Variants in BNC2 observed in about 807,000 individuals in gnomAD.
BNC2 encodes the protein zinc finger protein basonuclin-2.
BNC2 carries 20 observed loss-of-function variants against 76.3 expected under a neutral mutation model. The observed-to-expected ratio is 0.26, with a 90% CI of 0.18 to 0.38. The LOEUF (loss-of-function observed/expected upper bound fraction) is 0.38. BNC2 is among the 10% of genes least tolerant of loss of function. The pLI is 1.00. For missense variants in BNC2, 1,382 were observed against 1,399.8 expected, an observed-to-expected ratio of 0.99 and a Z score of 0.20; for synonymous variants, 582 against 514.8, an observed-to-expected ratio of 1.13 and a Z score of -1.77.
intron 5 of BNC2, among the ~76,000 whole-genome samples, chr9:16,483,714 G>A (rs1464235973): frequency 3.3e-5 from 5 of 152,080 alleles, no homozygotes; most frequent in Non-Finnish European, 2.9e-5. Context: ...TTATTTTCAG[G>A]GATACTTATT....
At chr9:16,434,860 GA>G in intron 6 of BNC2, 1 of 458,534 alleles carries the variant, frequency 2.2e-6, no homozygotes, top group Non-Finnish European at 4.4e-6. Flanking sequence ...CTATAGTTTA[GA>G]GATGTGCTCA....
intron 5 of BNC2, among the ~76,000 whole-genome samples, chr9:16,440,072 T>C (rs962234256): frequency 6.6e-6 from 1 of 152,228 alleles, no homozygotes; most frequent in Admixed American, 6.5e-5. Flanking sequence ...GTTGGTGCTA[T>C]AGGTAAATAG....
At chr9:16,829,880 A>G (rs1482003707) in intron 1 of BNC2, among the ~76,000 whole-genome samples, 5 of 152,198 alleles carry the variant, frequency 3.3e-5, no homozygotes, top group Non-Finnish European at 5.9e-5. Flanking sequence ...CCCCTAAAGA[A>G]AATAGAAAAC....
chr9:16,766,069 G>A (rs917334156), intron 1 of BNC2, among the ~76,000 whole-genome samples: 1 of 152,170 alleles, frequency 6.6e-6, no homozygotes, highest in African/African-American at 2.4e-5. Context: ...TTACAGGCGT[G>A]AGCCACCGCG....
intron 1 of BNC2, among the ~76,000 whole-genome samples, chr9:16,780,417 CA>C (rs1227382562): frequency 1.3e-5 from 2 of 149,836 alleles, no homozygotes; most frequent in Non-Finnish European, 3.0e-5. Flanking sequence ...ACTAAAAATA[CA>C]AAAATTATCT....
At chr9:16,655,368 G>A (rs182569150) in intron 3 of BNC2, among the ~76,000 whole-genome samples, 30 of 152,210 alleles carry the variant, frequency 2.0e-4, no homozygotes, top group Admixed American at 1.6e-3. Context: ...AGATTACTTG[G>A]AATTTGCCCC....
chr9:16,586,296 T>C (rs1819769224), intron 3 of BNC2, among the ~76,000 whole-genome samples: 1 of 152,124 alleles, frequency 6.6e-6, no homozygotes, highest in Non-Finnish European at 1.5e-5. Context: ...AGTCTGCACC[T>C]TATTGAAAGT....
At chr9:16,816,806 T>C (rs1402793539) in intron 1 of BNC2, among the ~76,000 whole-genome samples, 3 of 152,184 alleles carry the variant, frequency 2.0e-5, no homozygotes, top group Non-Finnish European at 4.4e-5. Context: ...GGTCTAAAGA[T>C]GCTCAAAGCA....
rs376354558 is a variant in BNC2 at position 16,436,587 on chromosome 9, C to T, written c.1607G>A (p.Arg536Gln). ...KSNLALTSPG[R>Q]PPMGFTTPPL... ...GGGAGTGGTAAAACCCATTGGGGGT[C>T]GGCCAGGGCTTGTGAGTGCCAGATT... The change falls in exon 6 of 7, where the codon CGA becomes CAA. Residue 536 changes from arginine to glutamine, a missense_variant. This residue lies in a region of BNC2 where 798 missense variants were observed against 775.5 expected (regional missense o/e 1.03). Transcript: ENST00000380672. The T allele has an allele frequency of 1.0e-4, 165 of 1,613,842 alleles. No individual in the cohort carries two copies. Among genetic ancestry groups the T allele is most frequent in the Non-Finnish European group, 1.3e-4 (156 of 1,180,002 alleles).
At chr9:16,820,601 G>A (rs996156312) in intron 1 of BNC2, among the ~76,000 whole-genome samples, 1 of 152,114 alleles carries the variant, frequency 6.6e-6, no homozygotes, top group South Asian at 2.1e-4. Context: ...TACTTCCCAA[G>A]TGGGAAGCTT....
At chr9:16,476,546 C>T (rs977486492) in intron 5 of BNC2, among the ~76,000 whole-genome samples, 1 of 150,130 alleles carries the variant, frequency 6.7e-6, no homozygotes, top group African/African-American at 2.5e-5. Context: ...CTTTTTAACC[C>T]GTGTGTGTGT....
At chr9:16,544,072 A>G (rs894902703) in intron 5 of BNC2, among the ~76,000 whole-genome samples, 6 of 152,138 alleles carry the variant, frequency 3.9e-5, no homozygotes, top group African/African-American at 1.2e-4. Context: ...TGATAATCCA[A>G]TCTTTACTTG....
At position 16,677,610 on chromosome 9, in the gene BNC2, A is replaced by G. The variant is rs1242318848; in HGVS notation, c.330+50187T>C. Among the ~76,000 whole-genome samples, 6 of 64,684 alleles carry G rather than the reference A, an allele frequency of 9.3e-5. 1 individual carries two copies. The highest frequency in any genetic ancestry group is 2.5e-5 in the Non-Finnish European group (1 of 39,294). 42.4% of individuals were successfully genotyped at this position (64,684 alleles called of 152,430 possible). A position where few individuals can be genotyped will look rare whatever the true frequency, so the allele number is the denominator to read the frequency against. ...ACACACACACACACACACACACAGT[A>G]GCAATATCCTGACTACTGGTCATTC... is the stretch of plus-strand genomic sequence containing the variant. On this transcript the variant is annotated intron_variant, in intron 3 of 6. Coordinates refer to ENST00000380672, the MANE Select transcript of BNC2 (RefSeq NM_017637.6).
At chr9:16,656,311 A>G (rs928681437) in intron 3 of BNC2, among the ~76,000 whole-genome samples, 2 of 152,204 alleles carry the variant, frequency 1.3e-5, no homozygotes, top group Non-Finnish European at 2.9e-5. Context: ...GTTACAAGAA[A>G]GGACAAAGGG....
chr9:16,511,311 A>G (rs1020148178), intron 5 of BNC2, among the ~76,000 whole-genome samples: 1 of 149,352 alleles, frequency 6.7e-6, no homozygotes, highest in Non-Finnish European at 1.5e-5. Flanking sequence ...GGGTCTTGCT[A>G]TGTTACCCAG....
chr9:16,490,033 T>C (rs982645526), intron 5 of BNC2, among the ~76,000 whole-genome samples: 3 of 152,200 alleles, frequency 2.0e-5, no homozygotes, highest in Non-Finnish European at 2.9e-5. Flanking sequence ...ATTCTTCCAA[T>C]AATGCTCAAA....
At chr9:16,801,370 C>T (rs985191226) in intron 1 of BNC2, among the ~76,000 whole-genome samples, 26 of 151,826 alleles carry the variant, frequency 1.7e-4, no homozygotes, top group African/African-American at 5.1e-4. Context: ...TTCAGCCTGC[C>T]GAGTAGCTGG....
At chr9:16,817,592 T>G (rs1459713416) in intron 1 of BNC2, among the ~76,000 whole-genome samples, 1 of 152,180 alleles carries the variant, frequency 6.6e-6, no homozygotes, top group African/African-American at 2.4e-5. Flanking sequence ...CTGAGCAGTA[T>G]TGATGAAAGC....
intron 5 of BNC2, among the ~76,000 whole-genome samples, chr9:16,471,924 CA>C (rs1365441198): frequency 6.6e-6 from 1 of 152,166 alleles, no homozygotes; most frequent in African/African-American, 2.4e-5. Context: ...ATAAGTCTCA[CA>C]AGATCTGATG....
Sources: allele counts gnomAD v4.1 joint callset (sites outside exome capture counted in the v4.1 genomes callset), GRCh38; gene constraint gnomAD v4.1.1; regional missense constraint gnomAD v4.1.1; transcripts MANE v1.5; gene names NCBI Gene and HGNC (gene_info 2026-07-23, HGNC 2026-07-21).